LAMB3: variants seen among roughly 807,000 people sequenced by gnomAD.
LAMB3 encodes the protein laminin subunit beta 3.
Under a neutral mutation model 140.3 loss-of-function variants are expected in LAMB3, and 104 were observed. That is an observed-to-expected ratio of 0.74 (90% CI 0.63 to 0.87). The LOEUF (loss-of-function observed/expected upper bound fraction) is 0.87, where lower values mean the gene tolerates loss of function less well. LAMB3 is among the 40% of genes least tolerant of loss of function. LAMB3 has a pLI of 0.00. For missense variants in LAMB3, 1,531 were observed against 1,575.2 expected (o/e 0.97, Z 0.47); for synonymous variants, 592 against 602.9 (o/e 0.98, Z 0.26).
intron 2 of LAMB3, among the ~76,000 whole-genome samples, chr1:209,650,715 T>C (rs2076557780): frequency 6.6e-6 from 1 of 152,214 alleles, no homozygotes; most frequent in South Asian, 2.1e-4. Flanking sequence ...TGGGAGCCTT[T>C]CCAGAGTGGC....
At chr1:209,629,421 G>A (rs557389757) in intron 10 of LAMB3, among the ~76,000 whole-genome samples, 2 of 152,320 alleles carry the variant, frequency 1.3e-5, no homozygotes, top group South Asian at 2.1e-4. Context: ...TTCTGCAGGT[G>A]TATACAGTTT....
intron 8 of LAMB3, among the ~76,000 whole-genome samples, chr1:209,631,841 T>C (rs1666702515): frequency 6.6e-6 from 1 of 152,230 alleles, no homozygotes; most frequent in Admixed American, 6.5e-5. Flanking sequence ...GAAAGAAGAA[T>C]GCCAGCTGAG....
chr1:209,628,244 G>C lies in LAMB3; in HGVS notation c.1133-54C>G, dbSNP rs1378413339. On this transcript the variant is annotated intron_variant, in intron 10 of 22. Transcript: ENST00000356082. ...GGAACAAAGAAAAGTAGAGTTCAGAGCAGATTCCAGGAGCCAGGCTGCCTG... is the reference window on the plus strand; with the variant it reads ...GGAACAAAGAAAAGTAGAGTTCAGACCAGATTCCAGGAGCCAGGCTGCCTG... The C allele has an allele frequency of 1.5e-5, 23 of 1,542,662 alleles. No homozygotes were observed. In the East Asian group the frequency reaches 4.9e-4, roughly 33 times the overall value.
intron 22 of LAMB3, 61 bp downstream of exon 22, chr1:209,616,410 G>A (rs116607943): frequency 0.012 from 18,978 of 1,594,142 alleles, 141 homozygotes; most frequent in South Asian, 0.021. Flanking sequence ...GAAGCCTTGG[G>A]TTGGGTGGGA....
intron 3 of LAMB3, among the ~76,000 whole-genome samples, chr1:209,649,106 A>G (rs1373827178): frequency 2.0e-5 from 3 of 152,158 alleles, no homozygotes; most frequent in Admixed American, 1.3e-4. Context: ...AGGGACTAGA[A>G]GGGCAGTGAG....
intron 22 of LAMB3, 63 bp downstream of exon 22, chr1:209,616,408 G>C: frequency 6.3e-7 from 1 of 1,588,700 alleles, no homozygotes; most frequent in South Asian, 1.1e-5. Context: ...CAGAAGCCTT[G>C]GGTTGGGTGG....
intron 5 of LAMB3, among the ~76,000 whole-genome samples, 177 bp downstream of exon 5, chr1:209,637,727 CAGGG>C: frequency 6.6e-6 from 1 of 152,292 alleles, no homozygotes; most frequent in Non-Finnish European, 1.5e-5. Flanking sequence ...ACGGCCAAGA[CAGGG>C]AGCCAGGAGG....
At position 209,623,162 on chromosome 1, in the gene LAMB3, C is replaced by T; in HGVS notation, c.2376G>A (p.Arg792=). 2 of 1,614,202 alleles carry T rather than the reference C, an allele frequency of 1.2e-6. No individual in the cohort carries two copies. The highest frequency in any genetic ancestry group is 3.3e-5 in the Admixed American group (2 of 60,026). ...ATGATATTGGGGTGCAAGCCATCTG[C>T]CTGGAGTTGCCACAGAGCTGTGGAC... The part of the protein sequence containing the change: ...PTFNKLCGNS[R]QMACTPISCP... Residue 792 remains arginine (R), a synonymous_variant, in exon 17 of 23, where the codon AGG becomes AGA. Coordinates refer to ENST00000356082, the MANE Select transcript of LAMB3 (RefSeq NM_000228.3). The surrounding 1 kb of genome is among the most constrained non-coding windows in gnomAD (Gnocchi z 4.2).
chr1:209,633,320 C>CGT (rs376089536), intron 6 of LAMB3, among the ~76,000 whole-genome samples, 187 bp from the exon 7 acceptor site: 6 of 151,716 alleles, frequency 4.0e-5, no homozygotes, highest in South Asian at 4.1e-4. Flanking sequence ...GGGCCCTAAA[C>CGT]GTGTGTGTGT....
At chr1:209,619,347 C>T (rs1244534869) in intron 18 of LAMB3, among the ~76,000 whole-genome samples, 1 of 152,180 alleles carries the variant, frequency 6.6e-6, no homozygotes, top group Non-Finnish European at 1.5e-5. Flanking sequence ...AAGGGCAGGG[C>T]CTGGGTTTTG....
rs1270734270 is a variant in LAMB3 at position 209,617,969 on chromosome 1, C to A, written c.2989G>T (p.Ala997Ser). Residue 997 changes from alanine to serine, a missense_variant, in exon 20 of 23, where the codon GCT becomes TCT. Physicochemically the swap from Ala to Ser is moderately conservative, Grantham distance 99. Transcript: ENST00000356082. ...CTGGTGCCTTGCATGGTGTCCTGAG[C>A]TTCCTGCAGTGCCACTGTCCCCTGC... Reference protein sequence around the residue: ...LRQGTVALQEAQDTMQGTSRS... With the variant: ...LRQGTVALQESQDTMQGTSRS... The A allele has an allele frequency of 6.2e-7, 1 of 1,614,106 alleles. No individual in the cohort carries two copies. Among genetic ancestry groups the A allele is most frequent in the Non-Finnish European group, 8.5e-7 (1 of 1,180,060 alleles).
chr1:209,640,475 G>T (rs1558164929), intron 3 of LAMB3, among the ~76,000 whole-genome samples: 2 of 151,976 alleles, frequency 1.3e-5, no homozygotes, highest in Non-Finnish European at 2.9e-5. Flanking sequence ...TTGAACTTGG[G>T]AGGCAGAGGT....
At chr1:209,617,076 C>T (rs1472724128) in intron 21 of LAMB3, among the ~76,000 whole-genome samples, 1 of 152,162 alleles carries the variant, frequency 6.6e-6, no homozygotes, top group Non-Finnish European at 1.5e-5. Context: ...GAGCATCTGT[C>T]CAGGCTGGGA....
intron 3 of LAMB3, among the ~76,000 whole-genome samples, chr1:209,647,877 T>C (rs1476035342): frequency 6.6e-6 from 1 of 152,252 alleles, no homozygotes; most frequent in Non-Finnish European, 1.5e-5. Flanking sequence ...ATAAAACTCT[T>C]AATATGATGC....
intron 18 of LAMB3, among the ~76,000 whole-genome samples, chr1:209,620,531 C>T (rs571100739): frequency 2.0e-5 from 3 of 152,150 alleles, no homozygotes; most frequent in Admixed American, 6.5e-5. Flanking sequence ...TATGCACACT[C>T]GCATGTGTGT....
intron 22 of LAMB3, among the ~76,000 whole-genome samples, chr1:209,616,093 T>C (rs1049649996): frequency 6.6e-6 from 1 of 152,156 alleles, no homozygotes; most frequent in African/African-American, 2.4e-5. Flanking sequence ...TCACTGAACA[T>C]GTCTCTCTCA....
At position 209,629,869 on chromosome 1, in the gene LAMB3, C is replaced by T. The variant is rs1043807563; in HGVS notation, c.1000G>A (p.Ala334Thr). The T allele has an allele frequency of 9.3e-6, 15 of 1,614,052 alleles. No individual in the cohort carries two copies. The highest frequency in any genetic ancestry group is 4.5e-5 in the East Asian group (2 of 44,894). ...TCHFDPAVFA[A>T]SQGAYGGVCD... ...ACACCTCCATATGCCCCCTGGCTGG[C>T]GGCAAACACAGCGGGGTCAAAGTGA... The change falls in exon 10 of 23, where the codon GCC becomes ACC. Residue 334 changes from alanine (A) to threonine (T), a missense_variant. Transcript: ENST00000356082.
At chr1:209,630,822 G>A (rs890443566) in intron 8 of LAMB3, 87 bp from the exon 9 acceptor site, 21 of 1,467,368 alleles carry the variant, frequency 1.4e-5, no homozygotes, top group South Asian at 7.0e-5. Context: ...GACCCTCTGC[G>A]CACCACTCAG....
At chr1:209,622,394 G>T in intron 18 of LAMB3, 142 bp downstream of exon 18, 1 of 972,616 alleles carries the variant, frequency 1.0e-6, no homozygotes, top group Non-Finnish European at 1.6e-6. Flanking sequence ...GAAGGTCATG[G>T]CCATGGTGCC....
Sources: allele counts gnomAD v4.1 joint callset (sites outside exome capture counted in the v4.1 genomes callset), GRCh38; gene constraint gnomAD v4.1.1; non-coding constraint Gnocchi (gnomAD v3.1); transcripts MANE v1.5; gene names NCBI Gene and HGNC (gene_info 2026-07-23, HGNC 2026-07-21).